Variants in COL19A1 observed in about 807,000 individuals in gnomAD.
COL19A1 encodes collagen alpha-1(XIX) chain.
In COL19A1, 159 loss-of-function variants were observed where a neutral mutation model predicts 190.2. That is an observed-to-expected ratio of 0.84 (90% CI 0.73 to 0.95). The LOEUF (loss-of-function observed/expected upper bound fraction) is 0.95, where lower values mean the gene tolerates loss of function less well. Ranked by LOEUF, COL19A1 falls within the 40% of genes least tolerant of loss-of-function variation. The probability of loss-of-function intolerance (pLI) is 0.00; values close to 1 mark genes in which losing one functional copy is unlikely to be tolerated. For missense variants in COL19A1, 1,418 were observed against 1,431.9 expected (o/e 0.99, Z 0.16); for synonymous variants, 509 against 458.9 (o/e 1.11, Z -1.39).
intron 18 of COL19A1, among the ~76,000 whole-genome samples, chr6:70,133,078 T>C (rs1361326275): frequency 6.6e-6 from 1 of 152,232 alleles, no homozygotes; most frequent in African/African-American, 2.4e-5. Flanking sequence ...GGATTAATTG[T>C]TGTTCTCATT....
At position 70,142,676 on chromosome 6, in the gene COL19A1, G is replaced by T; in HGVS notation, c.1573-91G>T. 2.6e-6 allele frequency: 3 copies of T among 1,148,894 alleles called. No homozygotes were observed. In the South Asian group the frequency reaches 4.4e-5, roughly 17 times the overall value. The allele number at this position is 1,148,894 out of a possible 1,614,324, so 71.2% of individuals were successfully genotyped here. On this transcript the variant is annotated intron_variant, in intron 22 of 50. Transcript: ENST00000620364. The stretch of plus-strand genomic sequence containing the variant: ...GAAAGTTGGTCTTCCTATACATGAA[G>T]ATCACACTATTCTTTACAAATACTC...
intron 16 of COL19A1, among the ~76,000 whole-genome samples, chr6:70,107,402 A>G (rs982718710): frequency 7.2e-5 from 11 of 151,930 alleles, no homozygotes; most frequent in Non-Finnish European, 1.3e-4. Flanking sequence ...CCTTGTCTCC[A>G]TTTTCTTTTC....
intron 49 of COL19A1, among the ~76,000 whole-genome samples, chr6:70,205,631 C>T (rs904824715): frequency 6.6e-6 from 1 of 152,202 alleles, no homozygotes; most frequent in Non-Finnish European, 1.5e-5. Flanking sequence ...TATTTGCCAT[C>T]ACTGTGAAAC....
intron 34 of COL19A1, among the ~76,000 whole-genome samples, chr6:70,159,960 T>C (rs1787690064): frequency 1.3e-5 from 2 of 152,092 alleles, no homozygotes; most frequent in South Asian, 4.1e-4. Flanking sequence ...AATAGTTTTT[T>C]CTCATAATAG....
intron 49 of COL19A1, among the ~76,000 whole-genome samples, chr6:70,204,632 C>A (rs1369002486): frequency 1.3e-5 from 2 of 152,138 alleles, no homozygotes; most frequent in Non-Finnish European, 2.9e-5. Flanking sequence ...TATTGCAAAT[C>A]TGAGAGCTGA....
At chr6:70,182,116 T>C (rs1291880115) in intron 44 of COL19A1, among the ~76,000 whole-genome samples, 1 of 151,950 alleles carries the variant, frequency 6.6e-6, no homozygotes, top group Non-Finnish European at 1.5e-5. Flanking sequence ...GGGAGTGGGG[T>C]AGAGGAAGAC....
chr6:70,187,745 G>A (rs1766617120), intron 46 of COL19A1, among the ~76,000 whole-genome samples: 1 of 151,848 alleles, frequency 6.6e-6, no homozygotes, highest in African/African-American at 2.4e-5. Context: ...GTGACAGCTG[G>A]TATTGACTCA....
At chr6:69,902,744 G>T (rs1482581130) in intron 4 of COL19A1, among the ~76,000 whole-genome samples, 3 of 152,108 alleles carry the variant, frequency 2.0e-5, no homozygotes, top group African/African-American at 7.2e-5. Context: ...CCCTTCCCTG[G>T]CCATTCCCCT....
At chr6:70,171,237 C>T (rs1013812711) in intron 40 of COL19A1, among the ~76,000 whole-genome samples, 39 of 152,256 alleles carry the variant, frequency 2.6e-4, no homozygotes, top group African/African-American at 7.9e-4. Context: ...CAATGTGGCC[C>T]AGGGAAGCCA....
intron 14 of COL19A1, among the ~76,000 whole-genome samples, chr6:70,064,403 T>G (rs897567537): frequency 1.3e-5 from 2 of 152,132 alleles, no homozygotes; most frequent in African/African-American, 4.8e-5. Context: ...TTTGACAAAA[T>G]TCAACAGCCC....
intron 49 of COL19A1, among the ~76,000 whole-genome samples, chr6:70,201,873 A>T (rs1767574869): frequency 6.6e-6 from 1 of 152,200 alleles, no homozygotes; most frequent in Non-Finnish European, 1.5e-5. Context: ...GCTGCTGTTT[A>T]ATTTTTGGTG....
intron 11 of COL19A1, among the ~76,000 whole-genome samples, chr6:69,991,376 T>C (rs1776612878): frequency 6.6e-6 from 1 of 152,074 alleles, no homozygotes; most frequent in Non-Finnish European, 1.5e-5. Context: ...GTCTTTATGA[T>C]AGAATAATTT....
intron 14 of COL19A1, among the ~76,000 whole-genome samples, chr6:70,044,744 G>A (rs1779816932): frequency 6.6e-6 from 1 of 152,068 alleles, no homozygotes. Context: ...TGTCCCTCTT[G>A]TCCATAAAAC....
chr6:70,067,218 G>T (rs117798390), intron 14 of COL19A1, among the ~76,000 whole-genome samples: 642 of 152,244 alleles, frequency 4.2e-3, no homozygotes, highest in Non-Finnish European at 7.3e-3. Context: ...GATGTGAATG[G>T]ATGGAGGAAT....
chr6:70,161,140 T>C (rs981593055), intron 34 of COL19A1, among the ~76,000 whole-genome samples: 2 of 152,312 alleles, frequency 1.3e-5, no homozygotes, highest in Non-Finnish European at 1.5e-5. Context: ...TTCATTATTA[T>C]GCTTAAGCCA....
At chr6:70,140,643 G>A (rs187704575) in intron 19 of COL19A1, among the ~76,000 whole-genome samples, 6 of 152,140 alleles carry the variant, frequency 3.9e-5, no homozygotes, top group South Asian at 2.1e-4. Context: ...GTGTGTGATC[G>A]TTTTCTATGT....
intron 14 of COL19A1, among the ~76,000 whole-genome samples, chr6:70,052,246 G>A (rs1780248044): frequency 6.6e-6 from 1 of 152,020 alleles, no homozygotes; most frequent in Admixed American, 6.6e-5. Context: ...TATCCAGCTG[G>A]CAGAGCCAGA....
chr6:70,182,527 G>C (rs1766239786), intron 44 of COL19A1, among the ~76,000 whole-genome samples: 1 of 152,208 alleles, frequency 6.6e-6, no homozygotes, highest in South Asian at 2.1e-4. Context: ...TGGAGTCACT[G>C]TGGATAGGAA....
intron 41 of COL19A1, among the ~76,000 whole-genome samples, chr6:70,176,218 C>T (rs947222401): frequency 5.9e-5 from 9 of 152,254 alleles, no homozygotes; most frequent in African/African-American, 1.9e-4. Flanking sequence ...ACTAATTTAA[C>T]TATAAGTATG....
Sources: gnomAD v4.1 joint callset for allele counts (sites outside exome capture counted in the v4.1 genomes callset) on GRCh38, gnomAD v4.1.1 for gene constraint, MANE v1.5 for transcripts, NCBI Gene and HGNC (gene_info 2026-07-23, HGNC 2026-07-21) for gene names.